SLC22A23: variants seen among roughly 807,000 people sequenced by gnomAD.
SLC22A23 encodes the protein solute carrier family 22 member 23.
In SLC22A23, 26 loss-of-function variants were observed where a neutral mutation model predicts 61.0. That is an observed-to-expected ratio of 0.43 (90% confidence interval 0.31 to 0.59). SLC22A23 has a LOEUF of 0.59. Among genes scored for constraint, SLC22A23 ranks in the 20% least tolerant of loss-of-function variants. SLC22A23 has a pLI of 0.11. For synonymous variants in SLC22A23, 430 were observed against 413.9 expected, an observed-to-expected ratio of 1.04 and a Z score of -0.47; for missense variants, 796 against 934.7, an observed-to-expected ratio of 0.85 and a Z score of 1.94.
chr6:3,310,290 G>GCTC (rs1561888174), intron 4 of SLC22A23, among the ~76,000 whole-genome samples: 103 of 130,790 alleles, frequency 7.9e-4, no homozygotes, highest in African/African-American at 3.4e-3. Context: ...TGTCTCCCAG[G>GCTC]GAGCACCCTG....
chr6:3,405,668 T>A (rs563748204), intron 3 of SLC22A23, among the ~76,000 whole-genome samples: 4 of 151,592 alleles, frequency 2.6e-5, no homozygotes, highest in African/African-American at 4.9e-5. Flanking sequence ...TGCTTAAAGA[T>A]CCTGTTGACT....
intron 1 of SLC22A23, among the ~76,000 whole-genome samples, chr6:3,437,453 G>A (rs887068729): frequency 3.9e-5 from 6 of 151,902 alleles, no homozygotes; most frequent in Admixed American, 1.3e-4. Flanking sequence ...CGAGGTGGGC[G>A]GATCATGAGG....
chr6:3,283,389 G>A, intron 9 of SLC22A23: 1 of 219,270 alleles, frequency 4.6e-6, no homozygotes, highest in Non-Finnish European at 9.4e-6. Flanking sequence ...CCAAGATCAT[G>A]CCATTGTACT....
At position 3,271,456 on chromosome 6, in the gene SLC22A23, CG is replaced by C. The variant is rs1561850232; in HGVS notation, c.*1598del. On this transcript the variant is annotated 3_prime_UTR_variant, in exon 10 of 10. Transcript: ENST00000406686. ...TGAGTGGCGACAGCAAGCAGCAGGCCGGGTGGAAAGCCAGAAGGGGAGAAGG... is the reference window on the plus strand; with the variant it reads ...TGAGTGGCGACAGCAAGCAGCAGGCCGGTGGAAAGCCAGAAGGGGAGAAGG... The C allele has an allele frequency of 6.6e-6, 1 of 152,386 alleles. No individual in the cohort carries two copies. Among genetic ancestry groups the C allele is most frequent in the Non-Finnish European group, 1.5e-5 (1 of 68,090 alleles). The allele number at this position is 152,386 out of a possible 1,614,324, so 9.4% of individuals were successfully genotyped here.
chr6:3,344,950 T>A (rs1388739047), intron 3 of SLC22A23, among the ~76,000 whole-genome samples: 1 of 152,148 alleles, frequency 6.6e-6, no homozygotes, highest in African/African-American at 2.4e-5. Flanking sequence ...ATTTTAAGTA[T>A]CAGGAAACAA....
intron 3 of SLC22A23, among the ~76,000 whole-genome samples, chr6:3,398,239 A>G (rs991784187): frequency 2.0e-5 from 3 of 152,190 alleles, no homozygotes; most frequent in Admixed American, 6.5e-5. Context: ...GGGGAAATGA[A>G]CTAGAAGTAA....
intron 5 of SLC22A23, chr6:3,290,076 C>T (rs1314086585): frequency 5.1e-6 from 3 of 589,592 alleles, no homozygotes; most frequent in Non-Finnish European, 9.1e-6. Flanking sequence ...TCAGGTTTCG[C>T]TCGGGTGCCT....
chr6:3,447,764 A>G (rs1166775699), intron 1 of SLC22A23, among the ~76,000 whole-genome samples: 2 of 150,398 alleles, frequency 1.3e-5, no homozygotes, highest in Non-Finnish European at 3.0e-5. Context: ...AATTATTTGT[A>G]TTTTTAGTAG....
intron 1 of SLC22A23, among the ~76,000 whole-genome samples, chr6:3,450,409 C>T (rs762012073): frequency 5.3e-5 from 8 of 152,108 alleles, no homozygotes; most frequent in African/African-American, 2.4e-5. Context: ...CAGGTTCAAG[C>T]GATTCTCCTA....
In SLC22A23 at chr6:3,297,108, G is replaced by A. The variant is rs1178733416; in HGVS notation, c.1210+983C>T. Among the ~76,000 whole-genome samples the A allele has an allele frequency of 6.6e-6, 1 of 152,188 alleles. No homozygotes were observed. Among genetic ancestry groups the A allele is most frequent in the Non-Finnish European group, 1.5e-5 (1 of 68,042 alleles). On this transcript the variant is annotated intron_variant, in intron 5 of 9. Coordinates refer to ENST00000406686, the MANE Select transcript of SLC22A23 (RefSeq NM_015482.2). The surrounding 1 kb of genome is among the most constrained non-coding windows in gnomAD (Gnocchi z 4.3). ...GCACGTGTAACTTCCCTGTCTGTGT[G>A]CCCCACCTGCCTGCAAGTTACGTGA...
chr6:3,285,757 T>C (rs1759934139), intron 7 of SLC22A23, among the ~76,000 whole-genome samples: 1 of 152,308 alleles, frequency 6.6e-6, no homozygotes, highest in South Asian at 2.1e-4. Flanking sequence ...TGCTCCTGAG[T>C]TTGAAGTGAG....
intron 5 of SLC22A23, chr6:3,290,084 C>T: frequency 3.4e-6 from 2 of 581,392 alleles, no homozygotes; most frequent in Admixed American, 6.1e-5. Flanking sequence ...CGCTCGGGTG[C>T]CTGAGAGGGC....
At chr6:3,341,728 C>T (rs1764164166) in intron 3 of SLC22A23, among the ~76,000 whole-genome samples, 1 of 148,878 alleles carries the variant, frequency 6.7e-6, no homozygotes. Flanking sequence ...AAACCACACG[C>T]ACAATTCATT....
intron 4 of SLC22A23, among the ~76,000 whole-genome samples, chr6:3,315,575 T>C (rs574555366): frequency 1.3e-5 from 2 of 152,152 alleles, no homozygotes; most frequent in African/African-American, 4.8e-5. Flanking sequence ...GTAAGAAAAG[T>C]GTGTGTTCGG....
chr6:3,297,721 C>G lies in SLC22A23; in HGVS notation c.1210+370G>C, dbSNP rs1327487340. Among the ~76,000 whole-genome samples the G allele has an allele frequency of 6.6e-6, 1 of 151,978 alleles. No homozygotes were observed. Among genetic ancestry groups the G allele is most frequent in the Non-Finnish European group, 1.5e-5 (1 of 67,962 alleles). On this transcript the variant is annotated intron_variant, in intron 5 of 9. Coordinates refer to ENST00000406686, the MANE Select transcript of SLC22A23 (RefSeq NM_015482.2). The surrounding 1 kb of genome is among the most constrained non-coding windows in gnomAD (Gnocchi z 4.3). ...TCTCTGAAGGTCATGCTCAGGAAAG[C>G]TGAGGTCACAGGGGCCATCTACACC...
intron 3 of SLC22A23, among the ~76,000 whole-genome samples, chr6:3,368,073 G>T (rs1386345548): frequency 6.6e-6 from 1 of 152,218 alleles, no homozygotes; most frequent in Non-Finnish European, 1.5e-5. Flanking sequence ...GTGGCCTTGG[G>T]CTGGGAAGTC....
intron 6 of SLC22A23, among the ~76,000 whole-genome samples, chr6:3,288,304 A>G (rs1760243791): frequency 1.3e-5 from 2 of 152,196 alleles, no homozygotes; most frequent in Admixed American, 6.5e-5. Context: ...GCTTCAGGGA[A>G]ATCTACGTCC....
chr6:3,334,008 C>T (rs1417603361), intron 3 of SLC22A23, among the ~76,000 whole-genome samples: 1 of 152,222 alleles, frequency 6.6e-6, no homozygotes, highest in African/African-American at 2.4e-5. Flanking sequence ...GTGTTCTGAA[C>T]ACTGAAGAGT....
intron 4 of SLC22A23, chr6:3,303,099 T>TA (rs1761733660): frequency 6.6e-6 from 1 of 151,892 alleles, no homozygotes; most frequent in African/African-American, 2.4e-5. Flanking sequence ...AAACATATAT[T>TA]AAAAAAAGCT....
Sources: gnomAD v4.1 joint callset for allele counts (sites outside exome capture counted in the v4.1 genomes callset) on GRCh38, gnomAD v4.1.1 for gene constraint, Gnocchi (gnomAD v3.1) non-coding constraint, MANE v1.5 for transcripts, NCBI Gene and HGNC (gene_info 2026-07-23, HGNC 2026-07-21) for gene names.